The following DNM1 variants were observed in gnomAD, a reference collection of about 807,000 sequenced individuals.
DNM1 encodes the protein dynamin 1.
DNM1 carries 29 observed loss-of-function variants against 104.6 expected under a neutral mutation model. That is an observed-to-expected ratio of 0.28 (90% CI 0.21 to 0.38). DNM1 has a LOEUF of 0.38. Ranked by LOEUF, DNM1 falls within the 10% of genes least tolerant of loss-of-function variation. DNM1 has a pLI of 1.00. For synonymous variants in DNM1, 445 were observed against 475.8 expected (o/e 0.94, Z 0.84); for missense variants, 640 against 1,189.4 (o/e 0.54, Z 6.79).
Position 128,222,379 on chromosome 9 carries a change from C to A in DNM1, c.992+40C>A. On this transcript the variant is annotated intron_variant, in intron 7 of 21. Coordinates refer to ENST00000372923, the MANE Select transcript of DNM1 (RefSeq NM_004408.4). The surrounding 1 kb of genome is among the most constrained non-coding windows in gnomAD (Gnocchi z 7.8). ...GCTCCTATCACTGAATCCCCGCCCC[C>A]AGCCTCTCAGCGTGGGGCTCTCCCA... 1 of 1,608,576 alleles carries A rather than the reference C, an allele frequency of 6.2e-7. No homozygotes were observed.
rs77325628 is a variant in DNM1, at chr9:128,218,703, T to C, written c.357T>C (p.Pro119=). ...CCAACAAGGGCATCTCGCCGGTGCC[T>C]ATCAACCTCCGCGTCTACTCGCCGC... ...TGTNKGISPV[P]INLRVYSPHV... is the part of the protein sequence containing the mutation. The change falls in exon 3 of 22, where the codon CCT becomes CCC. Residue 119 remains proline (P), a synonymous_variant. Coordinates refer to ENST00000372923, the MANE Select transcript of DNM1 (RefSeq NM_004408.4). This position sits in a 1 kb window ranked among gnomAD's most constrained non-coding sequence, Gnocchi z 4.8. The C allele has an allele frequency of 8.0e-4, 1,293 of 1,607,634 alleles. 4 individuals carry two copies. In the African/African-American group the frequency reaches 0.016, roughly 20 times the overall value.
rs538807296 is a variant in DNM1, at chr9:128,245,335, C to A, written c.1672-1059C>A. On this transcript the variant is annotated intron_variant, in intron 15 of 21. Coordinates refer to ENST00000372923, the MANE Select transcript of DNM1 (RefSeq NM_004408.4). The surrounding 1 kb of genome is among the most constrained non-coding windows in gnomAD (Gnocchi z 5.2). ...CAAGGTCCCCCTAAACCCAGCCCCC[C>A]ACCTGAGATCCTAGGCAAGGCTCAT... is the stretch of plus-strand genomic sequence containing the variant. Among the ~76,000 whole-genome samples, 2 of 152,072 alleles carry A rather than the reference C, an allele frequency of 1.3e-5. No homozygotes were observed. The highest frequency in any genetic ancestry group is 2.4e-5 in the African/African-American group (1 of 41,392).
Position 128,218,457 on chromosome 9 carries a change from G to C in DNM1, c.236-125G>C. 1 of 1,392,130 alleles carries C rather than the reference G, an allele frequency of 7.2e-7. No individual in the cohort carries two copies. Among genetic ancestry groups the C allele is most frequent in the South Asian group, 1.2e-5 (1 of 82,294 alleles). 86.2% of individuals were successfully genotyped at this position (1,392,130 alleles called of 1,614,324 possible). On this transcript the variant is annotated intron_variant, in intron 2 of 21. Coordinates refer to ENST00000372923, the MANE Select transcript of DNM1 (RefSeq NM_004408.4). The surrounding 1 kb of genome is among the most constrained non-coding windows in gnomAD (Gnocchi z 4.8). ...AGCGGGGATCAAAATACATAATGGAGACGTGGGTGGTGGTTCTGCTTGGGT... is the reference window on the plus strand; with the variant it reads ...AGCGGGGATCAAAATACATAATGGACACGTGGGTGGTGGTTCTGCTTGGGT...
chr9:128,218,807 T>G lies in DNM1; in HGVS notation c.385+76T>G. The G allele has an allele frequency of 6.7e-7, 1 of 1,487,760 alleles. No homozygotes were observed. The highest frequency in any genetic ancestry group is 9.0e-7 in the Non-Finnish European group (1 of 1,113,632). The allele number at this position is 1,487,760 out of a possible 1,614,324, so 92.2% of individuals were successfully genotyped here. ...GCACCTCTGCGTGCCTCGCTCCTCCTGCAGACTCCGCCCCTAGAATGACCC... is the reference window on the plus strand; with the variant it reads ...GCACCTCTGCGTGCCTCGCTCCTCCGGCAGACTCCGCCCCTAGAATGACCC... On this transcript the variant is annotated intron_variant, in intron 3 of 21. Coordinates refer to ENST00000372923, the MANE Select transcript of DNM1 (RefSeq NM_004408.4). The surrounding 1 kb of genome is among the most constrained non-coding windows in gnomAD (Gnocchi z 4.8).
chr9:128,217,708 C>T (rs1457419684), intron 1 of DNM1, among the ~76,000 whole-genome samples: 2 of 152,216 alleles, frequency 1.3e-5, no homozygotes, highest in African/African-American at 4.8e-5. Context: ...TGAGCCACCG[C>T]GCCCGGCCCA....
intron 1 of DNM1, among the ~76,000 whole-genome samples, chr9:128,216,814 C>T (rs2131142076): frequency 6.6e-6 from 1 of 152,314 alleles, no homozygotes; most frequent in African/African-American, 2.4e-5. Flanking sequence ...CCACCTCTGG[C>T]TCTGTAGAGC....
rs762735903 is a variant in DNM1, at chr9:128,218,390, C to T, written c.235+86C>T. The T allele has an allele frequency of 1.8e-5, 27 of 1,524,570 alleles. No individual in the cohort carries two copies. The highest frequency in any genetic ancestry group is 2.4e-5 in the Non-Finnish European group (26 of 1,099,022). The allele number at this position is 1,524,570 out of a possible 1,614,324, so 94.4% of individuals were successfully genotyped here. On this transcript the variant is annotated intron_variant, in intron 2 of 21. Transcript: ENST00000372923. The surrounding 1 kb of genome is among the most constrained non-coding windows in gnomAD (Gnocchi z 4.8). ...AGCTGAGGGCCAGCCTGGCCACGAA[C>T]TTGCTTGCTGTGTGACTGTGGGCCT...
chr9:128,236,910 C>T (rs61335530), intron 11 of DNM1, among the ~76,000 whole-genome samples: 4 of 152,298 alleles, frequency 2.6e-5, no homozygotes, highest in East Asian at 1.9e-4. Flanking sequence ...TTTTCTTATG[C>T]GTGTGCACTC....
In DNM1 at chr9:128,253,868, C is replaced by A; in HGVS notation, c.2535-786C>A. 8.2e-7 allele frequency: 1 copy of A among 1,215,348 alleles called. No individual in the cohort carries two copies. The highest frequency in any genetic ancestry group is 1.0e-6 in the Non-Finnish European group (1 of 974,066). The allele number at this position is 1,215,348 out of a possible 1,614,324, so 75.3% of individuals were successfully genotyped here. On this transcript the variant is annotated intron_variant, in intron 21 of 21. Coordinates refer to ENST00000372923, the MANE Select transcript of DNM1 (RefSeq NM_004408.4). This position sits in a 1 kb window ranked among gnomAD's most constrained non-coding sequence, Gnocchi z 5.9. Reference sequence around the variant, plus strand: ...CGTAGCCAGCCAGCGGGCTCACGCACCTTGGCCTGTTGCTCCTAGGGTCAC... The same window carrying A: ...CGTAGCCAGCCAGCGGGCTCACGCAACTTGGCCTGTTGCTCCTAGGGTCAC...
In DNM1 at chr9:128,247,004, G is replaced by A. The variant is rs1039471940; in HGVS notation, c.1782-371G>A. 2.2e-5 allele frequency: 5 copies of A among 224,198 alleles called. No individual in the cohort carries two copies. The highest frequency in any genetic ancestry group is 4.5e-5 in the Non-Finnish European group (5 of 111,214). The allele number at this position is 224,198 out of a possible 1,614,324, so 13.9% of individuals were successfully genotyped here. A position where few individuals can be genotyped will look rare whatever the true frequency, so the allele number is the denominator to read the frequency against. ...GACTCTAGTGGGCCCTCTGCTACTCGGAGATGAGAGTTCAGTCCAGCGGCC... is the reference window on the plus strand; with the variant it reads ...GACTCTAGTGGGCCCTCTGCTACTCAGAGATGAGAGTTCAGTCCAGCGGCC... On this transcript the variant is annotated intron_variant, in intron 16 of 21. Coordinates refer to ENST00000372923, the MANE Select transcript of DNM1 (RefSeq NM_004408.4). This position sits in a 1 kb window ranked among gnomAD's most constrained non-coding sequence, Gnocchi z 5.1.
rs1442118496 is a variant in DNM1 at position 128,220,923 on chromosome 9, TTCTTTCTTTCTTTTC to T, written c.849+584_849+598del. 2.0e-5 allele frequency among the ~76,000 whole-genome samples: 3 copies of T among 148,422 alleles called. No homozygotes were observed. The highest frequency in any genetic ancestry group is 7.3e-5 in the African/African-American group (3 of 40,860). ...TTTCTTTCTTTCTTTCTTTCTTTCT[TTCTTTCTTTCTTTTC>T]TTTTCTTTCTTTCTTTCCTTTCTTC... On this transcript the variant is annotated intron_variant, in intron 6 of 21. Coordinates refer to ENST00000372923, the MANE Select transcript of DNM1 (RefSeq NM_004408.4). This position sits in a 1 kb window ranked among gnomAD's most constrained non-coding sequence, Gnocchi z 5.2.
intron 1 of DNM1, among the ~76,000 whole-genome samples, chr9:128,210,832 C>CA (rs1194727816): frequency 6.6e-6 from 1 of 151,416 alleles, no homozygotes; most frequent in Non-Finnish European, 1.5e-5. Flanking sequence ...CACACACCTA[C>CA]ACACCTCAGT....
In DNM1 at chr9:128,218,152, C is replaced by T. The variant is rs1834724919; in HGVS notation, c.162-79C>T. 2.1e-6 allele frequency: 3 copies of T among 1,422,786 alleles called. No homozygotes were observed. The Admixed American group carries it at 5.0e-5, about 24-fold the overall frequency. The allele number at this position is 1,422,786 out of a possible 1,614,324, so 88.1% of individuals were successfully genotyped here. A position where few individuals can be genotyped will look rare whatever the true frequency, so the allele number is the denominator to read the frequency against. On this transcript the variant is annotated intron_variant, in intron 1 of 21. Transcript: ENST00000372923. The surrounding 1 kb of genome is among the most constrained non-coding windows in gnomAD (Gnocchi z 4.8). ...ACTTTGGAAGGAGCTTTGGCTTTCCCAGGGGCCGGACAGGTACCCCTGGGA... is the reference window on the plus strand; with the variant it reads ...ACTTTGGAAGGAGCTTTGGCTTTCCTAGGGGCCGGACAGGTACCCCTGGGA...
intron 13 of DNM1, 79 bp downstream of exon 13, chr9:128,239,858 A>T (rs1214279309): frequency 2.5e-6 from 4 of 1,571,162 alleles, no homozygotes; most frequent in Non-Finnish European, 3.5e-6. Flanking sequence ...CCCTCCCCTG[A>T]GGGGAAGGGT....
intron 12 of DNM1, 28 bp from the exon 13 acceptor site, chr9:128,239,700 C>A: frequency 6.2e-7 from 1 of 1,608,208 alleles, no homozygotes; most frequent in South Asian, 1.1e-5. Context: ...TTGAGAAGTT[C>A]TGAGACTCCT....
chr9:128,210,720 A>T (rs891393503), intron 1 of DNM1, among the ~76,000 whole-genome samples: 6 of 152,106 alleles, frequency 3.9e-5, no homozygotes, highest in African/African-American at 1.2e-4. Context: ...CAGCAATTGA[A>T]TCAGAGGCAG....
At chr9:128,237,344 C>T (rs1422308264) in intron 11 of DNM1, among the ~76,000 whole-genome samples, 1 of 152,024 alleles carries the variant, frequency 6.6e-6, no homozygotes, top group Non-Finnish European at 1.5e-5. Context: ...TCTCTGCAAC[C>T]TCTGCCTCCC....
chr9:128,237,590 C>T (rs1836095842), intron 11 of DNM1, among the ~76,000 whole-genome samples: 1 of 151,894 alleles, frequency 6.6e-6, no homozygotes. Context: ...TTTTGAACAG[C>T]TGCAGGGTGC....
rs369729273 is a variant in DNM1 at position 128,228,166 on chromosome 9, C to T, written c.1335+3777C>T. 5.3e-5 allele frequency among the ~76,000 whole-genome samples: 8 copies of T among 152,072 alleles called. No homozygotes were observed. In the South Asian group the frequency reaches 1.2e-3, roughly 24 times the overall value. ...AAGCGATTCTCCTGCCTCAGCCTCC[C>T]GAGTAGCTGGGATTACAGGCTCCTC... On this transcript the variant is annotated intron_variant, in intron 10 of 21. Coordinates refer to ENST00000372923, the MANE Select transcript of DNM1 (RefSeq NM_004408.4).
Sources: gnomAD v4.1 joint callset for allele counts (sites outside exome capture counted in the v4.1 genomes callset) on GRCh38, gnomAD v4.1.1 for gene constraint, Gnocchi (gnomAD v3.1) non-coding constraint, MANE v1.5 for transcripts, NCBI Gene and HGNC (gene_info 2026-07-23, HGNC 2026-07-21) for gene names.